Variants in DMRT1 observed in about 807,000 individuals in gnomAD.
DMRT1 encodes the protein doublesex- and mab-3-related transcription factor 1.
In DMRT1, 7 loss-of-function variants were observed where a neutral mutation model predicts 32.3. The ratio of observed to expected loss-of-function variants is 0.22; its 90% CI spans 0.12 to 0.41. DMRT1 has a LOEUF of 0.41. DMRT1 is among the 10% of genes least tolerant of loss of function. DMRT1 has a pLI of 1.00. For missense variants in DMRT1, 625 were observed against 500.5 expected, an observed-to-expected ratio of 1.25 and a Z score of -2.37; for synonymous variants, 278 against 206.1, an observed-to-expected ratio of 1.35 and a Z score of -2.99.
At chr9:878,497 A>T (rs1002154242) in intron 2 of DMRT1, among the ~76,000 whole-genome samples, 1 of 152,108 alleles carries the variant, frequency 6.6e-6, no homozygotes, top group Non-Finnish European at 1.5e-5. Context: ...TTGTTCCCGC[A>T]TTTCCTGATT....
chr9:875,850 A>C (rs1816478537), intron 2 of DMRT1, among the ~76,000 whole-genome samples: 1 of 152,148 alleles, frequency 6.6e-6, no homozygotes. Context: ...CTCATATCCC[A>C]AGTTACCAGA....
chr9:943,926 G>A (rs1254724291), intron 4 of DMRT1, among the ~76,000 whole-genome samples: 1 of 152,128 alleles, frequency 6.6e-6, no homozygotes, highest in Non-Finnish European at 1.5e-5. Flanking sequence ...CTCATTTGTG[G>A]CCAAATTCTT....
chr9:933,208 C>T (rs994309071), intron 4 of DMRT1, among the ~76,000 whole-genome samples: 2 of 152,182 alleles, frequency 1.3e-5, no homozygotes, highest in Admixed American at 6.5e-5. Flanking sequence ...TGAGCCACCA[C>T]GCCCCGGTGA....
rs1819228118 is a variant in DMRT1 at position 945,899 on chromosome 9, C to A, written c.968-22086C>A. On this transcript the variant is annotated intron_variant, in intron 4 of 4. Coordinates refer to ENST00000382276, the MANE Select transcript of DMRT1 (RefSeq NM_021951.3). ...TGAAATTACATGCAGATATGTGTTTCTGTAGAAATGTGGTTTGCTTGGCTT... is the reference window on the plus strand; with the variant it reads ...TGAAATTACATGCAGATATGTGTTTATGTAGAAATGTGGTTTGCTTGGCTT... 2.0e-5 allele frequency among the ~76,000 whole-genome samples: 3 copies of A among 151,990 alleles called. No individual in the cohort carries two copies. The South Asian group carries it at 6.2e-4, about 32-fold the overall frequency.
chr9:859,729 A>T (rs982545052), intron 2 of DMRT1, among the ~76,000 whole-genome samples: 7 of 152,222 alleles, frequency 4.6e-5, no homozygotes, highest in African/African-American at 1.4e-4. Flanking sequence ...TCATTGTACA[A>T]TACCACTGAA....
intron 2 of DMRT1, among the ~76,000 whole-genome samples, chr9:871,509 T>TAGTAGAGACGGGG (rs1816255079): frequency 6.8e-6 from 1 of 147,400 alleles, no homozygotes; most frequent in African/African-American, 2.6e-5. Flanking sequence ...ATTTTTTTTT[T>TAGTAGAGACGGGG]TTTTTTTTTT....
chr9:883,467 C>A (rs1440223265), intron 2 of DMRT1, among the ~76,000 whole-genome samples: 2 of 151,834 alleles, frequency 1.3e-5, no homozygotes, highest in Non-Finnish European at 2.9e-5. Flanking sequence ...ATGACACAGC[C>A]TTTTAAAAAA....
Position 905,198 on chromosome 9 carries a change from C to T in DMRT1, c.822+11003C>T, listed in dbSNP as rs1459259807. Among the ~76,000 whole-genome samples, 3 of 152,190 alleles carry T rather than the reference C, an allele frequency of 2.0e-5. No homozygotes were observed. In the East Asian group the frequency reaches 5.8e-4, roughly 29 times the overall value. ...TACTGCCTCCCCCCAGGATGGGTTG[C>T]CCTCAGCACCCCCTCCTTGGTATAG... On this transcript the variant is annotated intron_variant, in intron 3 of 4. Coordinates refer to ENST00000382276, the MANE Select transcript of DMRT1 (RefSeq NM_021951.3).
intron 3 of DMRT1, among the ~76,000 whole-genome samples, chr9:913,669 C>G (rs187538630): frequency 6.6e-6 from 1 of 150,544 alleles, no homozygotes; most frequent in Admixed American, 6.6e-5. Flanking sequence ...CCGAGGCGGG[C>G]GGATCACTTG....
At position 847,158 on chromosome 9, in the gene DMRT1, C is replaced by G. The variant is rs1033196343; in HGVS notation, c.538+15C>G. On this transcript the variant is annotated intron_variant, in intron 2 of 4. Transcript: ENST00000382276. The stretch of plus-strand genomic sequence containing the variant: ...TGCAGCTTCAGGTAATCTGGAGGGG[C>G]TGGGGTTCACATGGAGGCTGGGCAT... 2 of 1,610,822 alleles carry G rather than the reference C, an allele frequency of 1.2e-6. No individual in the cohort carries two copies. The highest frequency in any genetic ancestry group is 1.7e-5 in the Admixed American group (1 of 59,958).
chr9:890,897 G>T (rs942782893), intron 2 of DMRT1, among the ~76,000 whole-genome samples: 1 of 150,564 alleles, frequency 6.6e-6, no homozygotes, highest in East Asian at 1.9e-4. Flanking sequence ...ATTTTTTTTT[G>T]TATTTTTTTT....
At chr9:947,548 T>C (rs1819285950) in intron 4 of DMRT1, among the ~76,000 whole-genome samples, 1 of 152,352 alleles carries the variant, frequency 6.6e-6, no homozygotes, top group East Asian at 1.9e-4. Context: ...GAAATGGAGA[T>C]TGGCGAAATC....
At chr9:916,332 TG>T (rs1233936639) in intron 3 of DMRT1, among the ~76,000 whole-genome samples, 1 of 151,848 alleles carries the variant, frequency 6.6e-6, no homozygotes, top group African/African-American at 2.4e-5. Context: ...TATTCATGGC[TG>T]AGGCCACTTC....
At chr9:848,568 T>C (rs1300280455) in intron 2 of DMRT1, among the ~76,000 whole-genome samples, 9 of 148,512 alleles carry the variant, frequency 6.1e-5, no homozygotes, top group African/African-American at 2.2e-4. Flanking sequence ...TTTTTTTTTT[T>C]TTTGAGATGG....
intron 2 of DMRT1, among the ~76,000 whole-genome samples, chr9:878,200 G>GCCTCC (rs1816584669): frequency 1.1e-5 from 1 of 94,038 alleles, no homozygotes. Context: ...TGCAGCTGCT[G>GCCTCC]CCCCCCCCCC....
chr9:920,640 C>T (rs549394133), intron 4 of DMRT1, among the ~76,000 whole-genome samples: 6 of 152,216 alleles, frequency 3.9e-5, no homozygotes, highest in Non-Finnish European at 7.4e-5. Context: ...GACGTCAACC[C>T]GTGGGGAAGT....
At position 923,461 on chromosome 9, in the gene DMRT1, C is replaced by T. The variant is rs371971271; in HGVS notation, c.967+6554C>T. ...CTGAGAGAGGGTGAGGATGTTGGCT[C>T]TGTGGAGGCCACACCAGTGAGGATG... On this transcript the variant is annotated intron_variant, in intron 4 of 4. Coordinates refer to ENST00000382276, the MANE Select transcript of DMRT1 (RefSeq NM_021951.3). 3.7e-4 allele frequency among the ~76,000 whole-genome samples: 35 copies of T among 94,642 alleles called. 1 individual carries two copies. The highest frequency in any genetic ancestry group is 1.6e-3 in the South Asian group (3 of 1,832). 62.1% of individuals were successfully genotyped at this position (94,642 alleles called of 152,430 possible). A position where few individuals can be genotyped will look rare whatever the true frequency, so the allele number is the denominator to read the frequency against.
intron 4 of DMRT1, among the ~76,000 whole-genome samples, chr9:959,028 C>T (rs943815526): frequency 5.3e-5 from 8 of 152,208 alleles, no homozygotes; most frequent in African/African-American, 1.9e-4. Flanking sequence ...TCTCATACTG[C>T]AAAATATCTG....
At chr9:941,250 GT>G (rs1819056919) in intron 4 of DMRT1, among the ~76,000 whole-genome samples, 1 of 152,026 alleles carries the variant, frequency 6.6e-6, no homozygotes, top group Non-Finnish European at 1.5e-5. Context: ...ATAAATGGGG[GT>G]CAACCTAAGT....
Sources: gnomAD v4.1 joint callset for allele counts (sites outside exome capture counted in the v4.1 genomes callset) on GRCh38, gnomAD v4.1.1 for gene constraint, MANE v1.5 for transcripts, NCBI Gene and HGNC (gene_info 2026-07-23, HGNC 2026-07-21) for gene names.